TP73: variants seen among roughly 807,000 people sequenced by gnomAD.
The protein encoded by TP73 is p53-like transcription factor.
TP73 carries 25 observed loss-of-function variants against 62.5 expected under a neutral mutation model. The observed-to-expected ratio is 0.40, with a 90% CI of 0.29 to 0.56. The LOEUF (loss-of-function observed/expected upper bound fraction) is 0.56. Among genes scored for constraint, TP73 ranks in the 20% least tolerant of loss-of-function variants. TP73 has a pLI of 0.46. For synonymous variants in TP73, 423 were observed against 377.5 expected (o/e 1.12, Z -1.40); for missense variants, 754 against 913.3 (o/e 0.83, Z 2.25).
chr1:3,683,026 G>T, intron 2 of TP73, 34 bp from the exon 3 acceptor site: 2 of 1,584,490 alleles, frequency 1.3e-6, no homozygotes, highest in South Asian at 1.1e-5. Flanking sequence ...CCAAACTGGG[G>T]ACTGACGCTT....
At position 3,733,108 on chromosome 1, in the gene TP73, C is replaced by A; in HGVS notation, c.*29C>A. The A allele has an allele frequency of 6.6e-7, 1 of 1,505,230 alleles. No homozygotes were observed. The highest frequency in any genetic ancestry group is 8.9e-7 in the Non-Finnish European group (1 of 1,127,364). The allele number at this position is 1,505,230 out of a possible 1,614,324, so 93.2% of individuals were successfully genotyped here. On this transcript the variant is annotated 3_prime_UTR_variant, in exon 14 of 14. Coordinates refer to ENST00000378295, the MANE Select transcript of TP73 (RefSeq NM_005427.4). The stretch of plus-strand genomic sequence containing the variant: ...CCTCGCCTGGCTGCAGCCTGCGCCA[C>A]CGCCCAGAGACCCAAGCTGCCTCCC...
chr1:3,652,744 G>A (rs1644781424), intron 1 of TP73, 103 bp downstream of exon 1: 1 of 152,538 alleles, frequency 6.6e-6, no homozygotes, highest in South Asian at 2.1e-4. Flanking sequence ...TGGGAGGTGA[G>A]GGGAGAGCGA....
chr1:3,704,593 C>G (rs1414976252), intron 3 of TP73, among the ~76,000 whole-genome samples: 1 of 152,226 alleles, frequency 6.6e-6, no homozygotes, highest in Non-Finnish European at 1.5e-5. Flanking sequence ...GCTGACCCCT[C>G]GGAACAGTGA....
chr1:3,726,628 G>A (rs1426050621), intron 6 of TP73, among the ~76,000 whole-genome samples: 4 of 131,368 alleles, frequency 3.0e-5, no homozygotes, highest in African/African-American at 1.1e-4. Flanking sequence ...AGACGGGTGG[G>A]TGGATGGATG....
rs142185398 is a variant in TP73, at chr1:3,715,578, G to A, written c.430-6443G>A. Among the ~76,000 whole-genome samples the A allele has an allele frequency of 5.2e-3, 787 of 152,272 alleles. 4 individuals carry two copies. The highest frequency in any genetic ancestry group is 0.017 in the African/African-American group (727 of 41,562). ...AGGGCCAAGGTCAGGTGAGGGCCCC[G>A]CGCAGGGCAGGCACCAGTGGGCAGT... On this transcript the variant is annotated intron_variant, in intron 4 of 13. Transcript: ENST00000378295.
At chr1:3,707,175 G>A (rs1639726914) in intron 3 of TP73, among the ~76,000 whole-genome samples, 2 of 152,162 alleles carry the variant, frequency 1.3e-5, no homozygotes, top group Non-Finnish European at 2.9e-5. Flanking sequence ...TCCCCACTTT[G>A]AGCTGTGAGG....
chr1:3,731,583 C>T lies in TP73; in HGVS notation c.1578+27C>T, dbSNP rs1435795235. 3.1e-6 allele frequency: 5 copies of T among 1,605,578 alleles called. No homozygotes were observed. In the African/African-American group the frequency reaches 4.0e-5, roughly 13 times the overall value. On this transcript the variant is annotated intron_variant, in intron 13 of 13. Coordinates refer to ENST00000378295, the MANE Select transcript of TP73 (RefSeq NM_005427.4). ...TAACGCCCGGGTGGACCCCGCTCTG[C>T]AGAGGCAGTAGCTGGAGGGGCCCCT...
chr1:3,682,779 G>A (rs1471083070), intron 2 of TP73, among the ~76,000 whole-genome samples: 1 of 152,214 alleles, frequency 6.6e-6, no homozygotes, highest in African/African-American at 2.4e-5. Context: ...GGGGATGCAG[G>A]ACCAAAATTC....
At position 3,733,393 on chromosome 1, in the gene TP73, C is replaced by T. The variant is rs572478902; in HGVS notation, c.*314C>T. 5.8e-5 allele frequency: 25 copies of T among 429,182 alleles called. No individual in the cohort carries two copies. The highest frequency in any genetic ancestry group is 7.9e-5 in the African/African-American group (4 of 50,634). The allele number at this position is 429,182 out of a possible 1,614,324, so 26.6% of individuals were successfully genotyped here. A position where few individuals can be genotyped will look rare whatever the true frequency, so the allele number is the denominator to read the frequency against. On this transcript the variant is annotated 3_prime_UTR_variant, in exon 14 of 14. Transcript: ENST00000378295. ...CTCCATGGCAGGCGTGGGTGGGGAC[C>T]GCAGCGTCGGCTCCGACTTCCAGGC...
At chr1:3,683,326 C>A in intron 3 of TP73, 146 bp downstream of exon 3, 1 of 1,041,832 alleles carries the variant, frequency 9.6e-7, no homozygotes, top group South Asian at 2.2e-5. Flanking sequence ...CTTCAAATTG[C>A]AAAGGAGAAA....
At chr1:3,730,563 C>CT (rs1424559859) in intron 11 of TP73, among the ~76,000 whole-genome samples, 3 of 152,160 alleles carry the variant, frequency 2.0e-5, no homozygotes, top group Non-Finnish European at 2.9e-5. Flanking sequence ...TTTGGGCCCC[C>CT]TTCCCCTGGA....
In TP73 at chr1:3,699,417, C is replaced by T. The variant is rs1000258436; in HGVS notation, c.187-8132C>T. 5.9e-5 allele frequency among the ~76,000 whole-genome samples: 9 copies of T among 152,286 alleles called. 1 individual carries two copies. In the South Asian group the frequency reaches 1.5e-3, roughly 25 times the overall value. Reference sequence around the variant, plus strand: ...CAATATTCTCCAGGGAACGAGGACACGGACCTCCTTGTTCTACAAGAGCTG... The same window carrying T: ...CAATATTCTCCAGGGAACGAGGACATGGACCTCCTTGTTCTACAAGAGCTG... On this transcript the variant is annotated intron_variant, in intron 3 of 13. Transcript: ENST00000378295. The surrounding 1 kb of genome is among the most constrained non-coding windows in gnomAD (Gnocchi z 4.1).
At chr1:3,680,637 T>C (rs1273548661) in intron 1 of TP73, among the ~76,000 whole-genome samples, 1 of 152,230 alleles carries the variant, frequency 6.6e-6, no homozygotes, top group African/African-American at 2.4e-5. Context: ...CTACTCATAC[T>C]GCTCAGCCCA....
chr1:3,730,907 C>G lies in TP73; in HGVS notation c.1346-20C>G. 1 of 1,583,196 alleles carries G rather than the reference C, an allele frequency of 6.3e-7. No homozygotes were observed. ...TGCCCAGCCTGGCTGCCCTGATGGC[C>G]CCACCTGCCTCTCACCCAGGCCCCG... On this transcript the variant is annotated intron_variant, in intron 11 of 13. Coordinates refer to ENST00000378295, the MANE Select transcript of TP73 (RefSeq NM_005427.4).
Position 3,682,411 on chromosome 1 carries a change from G to T in TP73, c.46G>T (p.Glu16Ter), listed in dbSNP as rs1469078074. The change falls in exon 2 of 14, where the codon GAG (glutamate) becomes TAG (stop). Residue 16 changes from glutamate (E) to a stop codon, truncating the protein, a stop_gained. Coordinates refer to ENST00000378295, the MANE Select transcript of TP73 (RefSeq NM_005427.4). LOFTEE classifies it high-confidence loss of function. ...ATSPDGGTTFEHLWSSLEPDS... is the reference protein window; with the variant it reads ...ATSPDGGTTF ...CTCCCCTGATGGGGGCACCACGTTT[G>T]AGCACCTCTGGAGCTCTCTGTGAGT... 1.3e-6 allele frequency: 2 copies of T among 1,563,898 alleles called. No individual in the cohort carries two copies. The highest frequency in any genetic ancestry group is 1.7e-6 in the Non-Finnish European group (2 of 1,151,460).
intron 3 of TP73, among the ~76,000 whole-genome samples, chr1:3,705,909 T>C (rs540727381): frequency 9.2e-5 from 14 of 152,332 alleles, no homozygotes; most frequent in African/African-American, 3.4e-4. Flanking sequence ...TCTGGGTCAC[T>C]AAACCCAACC....
intron 4 of TP73, among the ~76,000 whole-genome samples, chr1:3,717,448 G>A: frequency 6.6e-6 from 1 of 152,278 alleles, no homozygotes; most frequent in East Asian, 1.9e-4. Context: ...GGCAAGTCCA[G>A]GCGGCTCCGT....
At chr1:3,695,841 G>A (rs1386737766) in intron 3 of TP73, among the ~76,000 whole-genome samples, 1 of 152,236 alleles carries the variant, frequency 6.6e-6, no homozygotes, top group Non-Finnish European at 1.5e-5. Flanking sequence ...AGGCTGGGAC[G>A]ATCCAGGGAA....
intron 4 of TP73, among the ~76,000 whole-genome samples, chr1:3,719,961 G>A (rs1640939102): frequency 7.0e-6 from 1 of 142,890 alleles, no homozygotes; most frequent in Admixed American, 7.0e-5. Flanking sequence ...TGTCACCCAG[G>A]CTGGAGTGCA....
Sources: allele counts gnomAD v4.1 joint callset (sites outside exome capture counted in the v4.1 genomes callset), GRCh38; gene constraint gnomAD v4.1.1; non-coding constraint Gnocchi (gnomAD v3.1); transcripts MANE v1.5; gene names NCBI Gene and HGNC (gene_info 2026-07-23, HGNC 2026-07-21).